Variants in FAM13A observed in about 807,000 individuals in gnomAD.
FAM13A encodes protein FAM13A.
Under a neutral mutation model 129.6 loss-of-function variants are expected in FAM13A, and 76 were observed. That is an observed-to-expected ratio of 0.59 (90% confidence interval 0.49 to 0.71). The LOEUF (loss-of-function observed/expected upper bound fraction) is 0.71, where lower values mean the gene tolerates loss of function less well. Ranked by LOEUF, FAM13A falls within the 30% of genes least tolerant of loss-of-function variation. The pLI, the probability that FAM13A is intolerant of heterozygous loss-of-function variation, is 0.00. For missense variants in FAM13A, 1,108 were observed against 1,249.3 expected (o/e 0.89, Z 1.70); for synonymous variants, 443 against 449.9 (o/e 0.98, Z 0.20).
chr4:88,853,617 T>C (rs1266976948), intron 6 of FAM13A, among the ~76,000 whole-genome samples: 1 of 152,222 alleles, frequency 6.6e-6, no homozygotes, highest in African/African-American at 2.4e-5. Flanking sequence ...GACAGTTGTT[T>C]GACAACATTT....
intron 6 of FAM13A, among the ~76,000 whole-genome samples, chr4:88,874,595 A>C (rs1742042036): frequency 6.6e-6 from 1 of 152,224 alleles, no homozygotes; most frequent in African/African-American, 2.4e-5. Context: ...GACGTGAAGG[A>C]CCTTTTCAAG....
intron 7 of FAM13A, among the ~76,000 whole-genome samples, chr4:88,811,950 A>G (rs1478147420): frequency 6.6e-6 from 1 of 152,132 alleles, no homozygotes; most frequent in Non-Finnish European, 1.5e-5. Flanking sequence ...TCAAGAATGG[A>G]TTAATGCTGT....
chr4:88,902,787 C>T (rs534344046), intron 6 of FAM13A, among the ~76,000 whole-genome samples: 4 of 151,862 alleles, frequency 2.6e-5, no homozygotes, highest in Admixed American at 1.3e-4. Flanking sequence ...AGAAATAAAC[C>T]GTATTCAAAT....
At chr4:88,797,585 T>C (rs1276172369) in intron 8 of FAM13A, among the ~76,000 whole-genome samples, 2 of 152,160 alleles carry the variant, frequency 1.3e-5, no homozygotes, top group Non-Finnish European at 2.9e-5. Flanking sequence ...TTTTTATCTT[T>C]ATCCTGTTCC....
intron 4 of FAM13A, among the ~76,000 whole-genome samples, chr4:88,942,615 T>C (rs1424961672): frequency 6.6e-6 from 1 of 151,308 alleles, no homozygotes; most frequent in African/African-American, 2.4e-5. Context: ...AATAGGGTTC[T>C]AAAATTGCTT....
intron 4 of FAM13A, among the ~76,000 whole-genome samples, chr4:88,946,163 C>T (rs1303620723): frequency 6.6e-6 from 1 of 150,698 alleles, no homozygotes; most frequent in Non-Finnish European, 1.5e-5. Flanking sequence ...TTTCTTTGTT[C>T]TATTCCCCTT....
At chr4:88,936,670 T>A (rs1439532529) in intron 5 of FAM13A, 2 of 152,374 alleles carry the variant, frequency 1.3e-5, no homozygotes, top group East Asian at 3.8e-4. Flanking sequence ...ATTAGCTTTA[T>A]CTCAGCAAGT....
intron 7 of FAM13A, among the ~76,000 whole-genome samples, chr4:88,840,749 A>T (rs1167309055): frequency 6.6e-6 from 1 of 152,256 alleles, no homozygotes; most frequent in Non-Finnish European, 1.5e-5. Context: ...AATCATGCTC[A>T]TATCTCTATT....
intron 12 of FAM13A, 147 bp downstream of exon 12, chr4:88,767,836 A>T: frequency 1.6e-6 from 1 of 635,288 alleles, no homozygotes; most frequent in Non-Finnish European, 2.8e-6. Flanking sequence ...TTTCTATTCT[A>T]AGCATTTTCC....
chr4:88,858,730 G>A (rs532988218), intron 6 of FAM13A, among the ~76,000 whole-genome samples: 1 of 152,348 alleles, frequency 6.6e-6, no homozygotes, highest in African/African-American at 2.4e-5. Flanking sequence ...GCTGGCAGGG[G>A]ATGGAGGAGG....
chr4:88,747,697 T>C lies in FAM13A; in HGVS notation c.2316A>G (p.Thr772=). Residue 772 remains threonine, a synonymous_variant, in exon 18 of 24, where the codon ACA becomes ACG. Coordinates refer to ENST00000264344, the MANE Select transcript of FAM13A (RefSeq NM_014883.4). ...DKAIKPSVEA[T]LESIQRKLQE... ...GGAGCTTCCTCTGAATAGATTCCAATGTGGCTTCAACACTGGGCTTTATTG... is the reference window on the plus strand; with the variant it reads ...GGAGCTTCCTCTGAATAGATTCCAACGTGGCTTCAACACTGGGCTTTATTG... 1 of 1,614,230 alleles carries C rather than the reference T, an allele frequency of 6.2e-7. No homozygotes were observed. The highest frequency in any genetic ancestry group is 8.5e-7 in the Non-Finnish European group (1 of 1,180,046).
intron 22 of FAM13A, 58 bp from the exon 23 acceptor site, chr4:88,731,486 G>C (rs1737779150): frequency 9.9e-7 from 1 of 1,013,778 alleles, no homozygotes; most frequent in Non-Finnish European, 1.5e-6. Context: ...TCATAAATGT[G>C]ATGAATGTGT....
At chr4:88,843,550 C>G (rs1404418178) in intron 7 of FAM13A, among the ~76,000 whole-genome samples, 1 of 152,138 alleles carries the variant, frequency 6.6e-6, no homozygotes, top group Non-Finnish European at 1.5e-5. Flanking sequence ...GTTATGACTG[C>G]ATTTTTGCTG....
At chr4:88,876,989 T>C (rs1356071397) in intron 6 of FAM13A, among the ~76,000 whole-genome samples, 1 of 152,334 alleles carries the variant, frequency 6.6e-6, no homozygotes, top group East Asian at 1.9e-4. Context: ...GATTGAGAAC[T>C]AAATGGGAAA....
chr4:88,864,230 C>T (rs758241222), intron 6 of FAM13A, among the ~76,000 whole-genome samples: 1 of 152,174 alleles, frequency 6.6e-6, no homozygotes, highest in Non-Finnish European at 1.5e-5. Flanking sequence ...CCTTTCCAGT[C>T]AGGGAGAAGG....
At chr4:88,906,739 A>G (rs537901735) in intron 5 of FAM13A, among the ~76,000 whole-genome samples, 1 of 152,324 alleles carries the variant, frequency 6.6e-6, no homozygotes, top group East Asian at 1.9e-4. Context: ...CTGTTATGTC[A>G]TTTTATCACA....
At chr4:88,944,167 A>C (rs1342368511) in intron 4 of FAM13A, among the ~76,000 whole-genome samples, 1 of 152,052 alleles carries the variant, frequency 6.6e-6, no homozygotes, top group Non-Finnish European at 1.5e-5. Context: ...GTTTGAGATC[A>C]TTCTGGGCGA....
At chr4:88,785,431 T>C (rs1723772880) in intron 10 of FAM13A, among the ~76,000 whole-genome samples, 1 of 152,164 alleles carries the variant, frequency 6.6e-6, no homozygotes, top group Non-Finnish European at 1.5e-5. Flanking sequence ...GACATGTTCA[T>C]GACTCTCCTG....
At chr4:88,954,516 A>G (rs1196534765) in intron 4 of FAM13A, among the ~76,000 whole-genome samples, 2 of 152,240 alleles carry the variant, frequency 1.3e-5, no homozygotes, top group Non-Finnish European at 2.9e-5. Flanking sequence ...GGAGCCAGAA[A>G]GAGGATAAAT....
Sources: allele counts gnomAD v4.1 joint callset (sites outside exome capture counted in the v4.1 genomes callset), GRCh38; gene constraint gnomAD v4.1.1; transcripts MANE v1.5; gene names NCBI Gene and HGNC (gene_info 2026-07-23, HGNC 2026-07-21).